RBKS: variants seen among roughly 807,000 people sequenced by gnomAD.
RBKS encodes the protein ribokinase.
A neutral mutation model predicts 33.9 loss-of-function variants in RBKS; 33 were observed. The observed-to-expected ratio is 0.97, with a 90% CI of 0.74 to 1.30. The LOEUF (loss-of-function observed/expected upper bound fraction) is 1.30. Ranked by LOEUF, RBKS falls within the 50% of genes most tolerant of loss-of-function variation. The pLI, the probability that RBKS is intolerant of heterozygous loss-of-function variation, is 0.00. For missense variants in RBKS, 361 were observed against 392.6 expected (o/e 0.92, Z 0.68); for synonymous variants, 125 against 143.0 (o/e 0.87, Z 0.90).
chr2:27,791,643 CTAAATAT>C (rs1335558623), intron 7 of RBKS, among the ~76,000 whole-genome samples: 3,479 of 122,442 alleles, frequency 0.028, 51 homozygotes, highest in African/African-American at 0.064. Flanking sequence ...CACACACACA[CTAAATAT>C]ACATATACAT....
At chr2:27,859,852 T>C (rs1558552683) in intron 1 of RBKS, among the ~76,000 whole-genome samples, 1 of 152,204 alleles carries the variant, frequency 6.6e-6, no homozygotes, top group Non-Finnish European at 1.5e-5. Context: ...CAGTATCTTA[T>C]ATTAGAACAG....
chr2:27,826,035 C>T (rs1168107303), intron 7 of RBKS, among the ~76,000 whole-genome samples: 7 of 152,094 alleles, frequency 4.6e-5, no homozygotes, highest in Non-Finnish European at 8.8e-5. Flanking sequence ...TTGTCCTTGA[C>T]AAAACAGAAA....
intron 5 of RBKS, among the ~76,000 whole-genome samples, chr2:27,842,280 A>G (rs909254092): frequency 6.6e-6 from 1 of 152,220 alleles, no homozygotes; most frequent in East Asian, 1.9e-4. Context: ...GAAAAGATGA[A>G]TCAAGATTAG....
At chr2:27,820,303 C>T (rs1014394744) in intron 7 of RBKS, among the ~76,000 whole-genome samples, 22 of 152,130 alleles carry the variant, frequency 1.4e-4, no homozygotes, top group African/African-American at 4.8e-4. Flanking sequence ...GAATAATGAT[C>T]ATAACAGCTG....
At chr2:27,889,988 G>C in intron 1 of RBKS, 1 of 361,784 alleles carries the variant, frequency 2.8e-6, no homozygotes, top group Non-Finnish European at 5.0e-6. Flanking sequence ...AGTCTTTGGA[G>C]GGCAGGTCTT....
Position 27,788,693 on chromosome 2 carries a change from C to T in RBKS, c.796-6905G>A, listed in dbSNP as rs558992650. The stretch of plus-strand genomic sequence containing the variant: ...CTGCACTCCAGCCTGGGTAACAGAG[C>T]GAAAAAAACCAATTCTATTTCTATA... On this transcript the variant is annotated intron_variant, in intron 7 of 7. Coordinates refer to ENST00000302188, the MANE Select transcript of RBKS (RefSeq NM_022128.3). Among the ~76,000 whole-genome samples the T allele has an allele frequency of 4.7e-4, 72 of 151,852 alleles. 1 individual carries two copies. The highest frequency in any genetic ancestry group is 3.4e-3 in the Middle Eastern group (1 of 294).
chr2:27,815,965 C>T (rs1394111416), intron 7 of RBKS, among the ~76,000 whole-genome samples: 2 of 152,114 alleles, frequency 1.3e-5, no homozygotes, highest in Non-Finnish European at 2.9e-5. Flanking sequence ...TCTTTCAGTC[C>T]CTGGCCGTAT....
At chr2:27,847,423 T>C (rs1323317639) in intron 3 of RBKS, among the ~76,000 whole-genome samples, 1 of 152,186 alleles carries the variant, frequency 6.6e-6, no homozygotes, top group Non-Finnish European at 1.5e-5. Flanking sequence ...ATGTTCTTCA[T>C]TGAAAGGAAT....
intron 7 of RBKS, among the ~76,000 whole-genome samples, chr2:27,794,613 C>T (rs1056239435): frequency 1.1e-4 from 15 of 140,090 alleles, no homozygotes; most frequent in African/African-American, 2.8e-4. Flanking sequence ...GGAACACTTT[C>T]GTTTTTTTTT....
chr2:27,865,760 A>G (rs1664088074), intron 1 of RBKS, among the ~76,000 whole-genome samples: 1 of 151,862 alleles, frequency 6.6e-6, no homozygotes, highest in South Asian at 2.1e-4. Flanking sequence ...AGGGTTTACA[A>G]TATGCATCTT....
chr2:27,850,787 G>A (rs1472532166), intron 2 of RBKS, among the ~76,000 whole-genome samples: 1 of 152,164 alleles, frequency 6.6e-6, no homozygotes, highest in Non-Finnish European at 1.5e-5. Flanking sequence ...TCTGTGTGCA[G>A]GTTTTGGTGT....
intron 6 of RBKS, among the ~76,000 whole-genome samples, chr2:27,830,312 T>G (rs1191688658): frequency 6.6e-6 from 1 of 151,720 alleles, no homozygotes. Flanking sequence ...CAGGCTGGAG[T>G]GCAGCCGCCT....
chr2:27,825,512 T>G (rs1678295165), intron 7 of RBKS, among the ~76,000 whole-genome samples: 1 of 152,250 alleles, frequency 6.6e-6, no homozygotes, highest in Non-Finnish European at 1.5e-5. Flanking sequence ...CTAGATATAT[T>G]AAAACACACT....
intron 1 of RBKS, among the ~76,000 whole-genome samples, chr2:27,888,418 C>T (rs1413575299): frequency 6.6e-6 from 1 of 152,150 alleles, no homozygotes; most frequent in African/African-American, 2.4e-5. Flanking sequence ...TGAGCCACTG[C>T]GCCCGGTCCA....
At chr2:27,879,481 G>C (rs1664378735) in intron 1 of RBKS, among the ~76,000 whole-genome samples, 1 of 151,998 alleles carries the variant, frequency 6.6e-6, no homozygotes, top group South Asian at 2.1e-4. Context: ...CCTAATAAAA[G>C]GACAAGTTTA....
At chr2:27,856,252 GAC>G (rs1161891907) in intron 2 of RBKS, among the ~76,000 whole-genome samples, 2 of 152,166 alleles carry the variant, frequency 1.3e-5, no homozygotes, top group African/African-American at 4.8e-5. Flanking sequence ...CTGCTAGGCA[GAC>G]ACACAGGCTA....
At chr2:27,847,742 A>G (rs1663650058) in intron 3 of RBKS, among the ~76,000 whole-genome samples, 1 of 152,254 alleles carries the variant, frequency 6.6e-6, no homozygotes, top group Non-Finnish European at 1.5e-5. Flanking sequence ...GTTGCCAGCT[A>G]TAACATTCTT....
intron 1 of RBKS, among the ~76,000 whole-genome samples, chr2:27,866,111 T>C (rs1664093313): frequency 6.6e-6 from 1 of 152,174 alleles, no homozygotes; most frequent in African/African-American, 2.4e-5. Context: ...AGTGTGAGTT[T>C]TCTGGTGATA....
chr2:27,862,679 T>C (rs1664014783), intron 1 of RBKS, among the ~76,000 whole-genome samples: 1 of 152,214 alleles, frequency 6.6e-6, no homozygotes, highest in African/African-American at 2.4e-5. Flanking sequence ...CCCCTGCTCT[T>C]GACTCGGGGG....
Sources: allele counts gnomAD v4.1 joint callset (sites outside exome capture counted in the v4.1 genomes callset), GRCh38; gene constraint gnomAD v4.1.1; transcripts MANE v1.5; gene names NCBI Gene and HGNC (gene_info 2026-07-23, HGNC 2026-07-21).